The following SLC22A31 variants were observed in gnomAD, a reference collection of about 807,000 sequenced individuals.
SLC22A31 encodes the protein putative solute carrier family 22 member 31.
SLC22A31 carries 42 observed loss-of-function variants against 27.4 expected under a neutral mutation model. That is an observed-to-expected ratio of 1.53 (90% CI 1.20 to 1.98). The LOEUF is 1.98. Ranked by LOEUF, SLC22A31 falls within the 30% of genes most tolerant of loss-of-function variation. The probability of loss-of-function intolerance (pLI) is 0.00; values close to 1 mark genes in which losing one functional copy is unlikely to be tolerated. For missense variants in SLC22A31, 593 were observed against 479.9 expected, an observed-to-expected ratio of 1.24 and a Z score of -2.20; for synonymous variants, 290 against 230.8, an observed-to-expected ratio of 1.26 and a Z score of -2.33.
Position 89,198,154 on chromosome 16 carries a change from A to T in SLC22A31, c.890T>A (p.Leu297Gln). 1 of 1,534,852 alleles carries T rather than the reference A, an allele frequency of 6.5e-7. No homozygotes were observed. Among genetic ancestry groups the T allele is most frequent in the Non-Finnish European group, 8.7e-7 (1 of 1,146,790 alleles). ...VLLLGTMVTG[L>Q]ASLLLLAGAQ... ...CCCAGCGAGGAGCAGCAGGGATGCC[A>T]GGCCTGTGACCATGGTGCCCAGCAG... Residue 297 changes from leucine to glutamine, a missense_variant, in exon 7 of 9, where the codon CTG becomes CAG. Coordinates refer to ENST00000682282, the MANE Select transcript of SLC22A31 (RefSeq NM_001384763.1).
chr16:89,198,797 C>T lies in SLC22A31; in HGVS notation c.453G>A (p.Gly151=). 1.3e-6 allele frequency: 2 copies of T among 1,528,252 alleles called. No individual in the cohort carries two copies. The highest frequency in any genetic ancestry group is 1.8e-6 in the Non-Finnish European group (2 of 1,140,746). The allele number at this position is 1,528,252 out of a possible 1,614,324, so 94.7% of individuals were successfully genotyped here. ...GAGACTCGGGGAACAGGGCCGGGAA[C>T]CTGCAGCGTTGGTGAGGATGCCCAC... ...LMSGLLLLFW[G]FPALFPESPC... The change falls in exon 5 of 9, where the codon GGG becomes GGA. Residue 151 remains glycine (G), a splice_region_variant and synonymous_variant. Transcript: ENST00000682282.
upstream of SLC22A31, chr16:89,201,382 C>A: frequency 2.8e-6 from 1 of 356,108 alleles, no homozygotes; most frequent in Non-Finnish European, 5.0e-6. Flanking sequence ...GTGCAGGGCG[C>A]GGGATCGGGG....
chr16:89,201,169 T>C, upstream of SLC22A31: 1 of 377,832 alleles, frequency 2.6e-6, no homozygotes, highest in Non-Finnish European at 4.7e-6. Flanking sequence ...GGGGCCCGGG[T>C]CAGAGGCGCC....
Position 89,198,329 on chromosome 16 carries a change from C to A in SLC22A31, c.715G>T (p.Gly239Cys). ...CGGAAGCTAGCTCTGATGCCTCCACCAACCAGCCTGGGAGAGAGAGCAAAT... is the reference window on the plus strand; with the variant it reads ...CGGAAGCTAGCTCTGATGCCTCCACAAACCAGCCTGGGAGAGAGAGCAAAT... Reference protein sequence around the residue: ...GLILGFSSLVGGGIRASFRRS... With the variant: ...GLILGFSSLVCGGIRASFRRS... The change falls in exon 7 of 9, where the codon GGT (glycine) becomes TGT (cysteine). Residue 239 changes from glycine (G) to cysteine (C), a missense_variant. Physicochemically the swap from Gly to Cys is radical, Grantham distance 159. Coordinates refer to ENST00000682282, the MANE Select transcript of SLC22A31 (RefSeq NM_001384763.1). The A allele has an allele frequency of 6.5e-7, 1 of 1,535,890 alleles. No individual in the cohort carries two copies. The highest frequency in any genetic ancestry group is 1.2e-5 in the South Asian group (1 of 84,060).
At chr16:89,198,956 C>T (rs754819151) in intron 4 of SLC22A31, 67 bp downstream of exon 4, 65 of 1,510,292 alleles carry the variant, frequency 4.3e-5, no homozygotes, top group African/African-American at 1.4e-4. Flanking sequence ...TGGGATACGT[C>T]GGTGCAGAGG....
rs747318429 is a variant in SLC22A31 at position 89,196,237 on chromosome 16, A to C, written c.1103T>G (p.Leu368Arg). 6.5e-7 allele frequency: 1 copy of C among 1,534,146 alleles called. No individual in the cohort carries two copies. ...CAGGAAGAAGCCCTGCCGGCCGTGCAGGGTGTCCAGGGGGCCGGCTGCCTG... is the reference window on the plus strand; with the variant it reads ...CAGGAAGAAGCCCTGCCGGCCGTGCCGGGTGTCCAGGGGGCCGGCTGCCTG... ...LGQAAGPLDTLHGRQGFFLQQ... is the reference protein window; with the variant it reads ...LGQAAGPLDTRHGRQGFFLQQ... Residue 368 changes from leucine to arginine, a missense_variant, in exon 9 of 9, where the codon CTG becomes CGG. Leu to Arg is a moderately radical substitution (Grantham distance 102). Coordinates refer to ENST00000682282, the MANE Select transcript of SLC22A31 (RefSeq NM_001384763.1).
chr16:89,195,856 C>T lies in SLC22A31; in HGVS notation c.*143G>A. The T allele has an allele frequency of 9.1e-6, 9 of 988,878 alleles. No individual in the cohort carries two copies. The highest frequency in any genetic ancestry group is 1.9e-5 in the South Asian group (1 of 52,228). 61.3% of individuals were successfully genotyped at this position (988,878 alleles called of 1,614,324 possible). A position where few individuals can be genotyped will look rare whatever the true frequency, so the allele number is the denominator to read the frequency against. ...TGGGGCCTGGCTGGAGACACCTTCA[C>T]GCTGTCCCCACGGCTCCACCTGCAC... On this transcript the variant is annotated 3_prime_UTR_variant, in exon 9 of 9. Coordinates refer to ENST00000682282, the MANE Select transcript of SLC22A31 (RefSeq NM_001384763.1).
In SLC22A31 at chr16:89,198,194, G is replaced by C; in HGVS notation, c.850C>G (p.Arg284Gly). ...GTGCCCAGCAGCAGCACGGGGCGGC[G>C]TCCACAGCAATCTGCCGTCAGGAGC... ...FLLLTADCCG[R>G]RPVLLLGTMV... Residue 284 changes from arginine to glycine, a missense_variant, in exon 7 of 9, where the codon CGC becomes GGC. Physicochemically the swap from Arg to Gly is moderately radical, Grantham distance 125. Transcript: ENST00000682282. 2 of 1,535,726 alleles carry C rather than the reference G, an allele frequency of 1.3e-6. No individual in the cohort carries two copies. Among genetic ancestry groups the C allele is most frequent in the Non-Finnish European group, 1.7e-6 (2 of 1,146,870 alleles).
At chr16:89,201,118 C>G (rs1403512601), upstream of SLC22A31, 1 of 375,864 alleles carries the variant, frequency 2.7e-6, no homozygotes, top group African/African-American at 2.1e-5. Flanking sequence ...ACCGTCGGGC[C>G]GGCGGCCGCC....
Position 89,199,487 on chromosome 16 carries a change from A to C in SLC22A31, c.209T>G (p.Phe70Cys), listed in dbSNP as rs1352615017. Residue 70 changes from phenylalanine (F) to cysteine (C), a missense_variant, in exon 3 of 9, where the codon TTC (phenylalanine) becomes TGC (cysteine). Physicochemically the swap from Phe to Cys is radical, Grantham distance 205. Transcript: ENST00000682282. ...TAGGCGCAGGACCAGCAGGGTAGGG[A>C]AGCTGGCAGCCAGGGCCTCACTGGC... is the stretch of plus-strand genomic sequence containing the variant. ...LGASEALAAS[F>C]PTLLVLRLLH... 2.0e-6 allele frequency: 1 copy of C among 497,732 alleles called. No individual in the cohort carries two copies. Among genetic ancestry groups the C allele is most frequent in the African/African-American group, 1.9e-5 (1 of 52,360 alleles). The allele number at this position is 497,732 out of a possible 1,614,324, so 30.8% of individuals were successfully genotyped here.
intron 3 of SLC22A31, 62 bp from the exon 4 acceptor site, chr16:89,199,253 G>T: frequency 7.0e-7 from 1 of 1,438,112 alleles, no homozygotes; most frequent in South Asian, 1.4e-5. Flanking sequence ...GTTCCATTGG[G>T]AACTGCGGGG....
intron 1 of SLC22A31, chr16:89,200,017 T>G (rs990514296): frequency 5.1e-6 from 2 of 394,618 alleles, no homozygotes; most frequent in Non-Finnish European, 8.9e-6. Context: ...CGGCAGCCCC[T>G]GCACAGGGGT....
Position 89,198,708 on chromosome 16 carries a change from T to G in SLC22A31, c.542A>C (p.Glu181Ala). The change falls in exon 5 of 9, where the codon GAA becomes GCA. Residue 181 changes from glutamate (E) to alanine (A), a missense_variant. By Grantham distance (107) the Glu-to-Ala change is moderately radical (BLOSUM62 -1). Transcript: ENST00000682282. ...RARKILWRFA[E>A]ASGVGPGDSS... Reference sequence around the variant, plus strand: ...GTCCCCGGGGCCCACGCCACTGGCTTCTGCAAAGCGCCACAGGATCTTCCT... The same window carrying G: ...GTCCCCGGGGCCCACGCCACTGGCTGCTGCAAAGCGCCACAGGATCTTCCT... 2.0e-6 allele frequency: 3 copies of G among 1,535,746 alleles called. No homozygotes were observed. The highest frequency in any genetic ancestry group is 2.6e-6 in the Non-Finnish European group (3 of 1,146,786).
intron 4 of SLC22A31, 69 bp downstream of exon 4, chr16:89,198,954 G>A (rs988817591): frequency 8.7e-5 from 131 of 1,509,328 alleles, no homozygotes; most frequent in Admixed American, 3.7e-4. Context: ...CATGGGATAC[G>A]TCGGTGCAGA....
rs901392493 is a variant in SLC22A31, at chr16:89,195,835, G to A, written c.*164C>T. The A allele has an allele frequency of 5.3e-6, 4 of 751,086 alleles. No individual in the cohort carries two copies. Among genetic ancestry groups the A allele is most frequent in the Non-Finnish European group, 6.0e-6 (3 of 503,854 alleles). 46.5% of individuals were successfully genotyped at this position (751,086 alleles called of 1,614,324 possible). A position where few individuals can be genotyped will look rare whatever the true frequency, so the allele number is the denominator to read the frequency against. ...GACCCAGGGCCTCCCAGTGCCTGGG[G>A]CCTGGCTGGAGACACCTTCACGCTG... On this transcript the variant is annotated 3_prime_UTR_variant, in exon 9 of 9. Transcript: ENST00000682282.
At chr16:89,197,851 G>A (rs550313954) in intron 7 of SLC22A31, among the ~76,000 whole-genome samples, 7 of 152,334 alleles carry the variant, frequency 4.6e-5, no homozygotes, top group South Asian at 2.1e-4. Flanking sequence ...TCTGGGCAGA[G>A]CTTTTACCCA....
At chr16:89,200,706 C>A (rs1400612680), upstream of SLC22A31, among the ~76,000 whole-genome samples, 1 of 150,462 alleles carries the variant, frequency 6.6e-6, no homozygotes, top group African/African-American at 2.4e-5. Flanking sequence ...GTGTGCAGGT[C>A]TCAGCCCCAG....
Position 89,198,106 on chromosome 16 carries a change from G to A in SLC22A31, c.922+16C>T, listed in dbSNP as rs760371511. 9 of 1,533,154 alleles carry A rather than the reference G, an allele frequency of 5.9e-6. No individual in the cohort carries two copies. The highest frequency in any genetic ancestry group is 4.1e-5 in the African/African-American group (3 of 73,104). 95.0% of individuals were successfully genotyped at this position (1,533,154 alleles called of 1,614,324 possible). A position where few individuals can be genotyped will look rare whatever the true frequency, so the allele number is the denominator to read the frequency against. ...ACACAATGGCTCCTGTATGGCCTGC[G>A]GGGCCCCAAGCTCACACTGGGCCCC... On this transcript the variant is annotated intron_variant, in intron 7 of 8. Coordinates refer to ENST00000682282, the MANE Select transcript of SLC22A31 (RefSeq NM_001384763.1).
At chr16:89,197,252 A>T (rs1266693334) in intron 8 of SLC22A31, 46 bp downstream of exon 8, 5 of 1,452,448 alleles carry the variant, frequency 3.4e-6, no homozygotes, top group Non-Finnish European at 4.6e-6. Context: ...CCTCCCCATG[A>T]GAGGCCCTGG....
Sources: allele counts gnomAD v4.1 joint callset (sites outside exome capture counted in the v4.1 genomes callset), GRCh38; gene constraint gnomAD v4.1.1; transcripts MANE v1.5; gene names NCBI Gene and HGNC (gene_info 2026-07-23, HGNC 2026-07-21).